ARHGAP20: variants seen among roughly 807,000 people sequenced by gnomAD.
ARHGAP20 encodes the protein Rho GTPase activating protein 20.
ARHGAP20 carries 34 observed loss-of-function variants against 73.7 expected under a neutral mutation model. The observed-to-expected ratio is 0.46, with a 90% CI of 0.35 to 0.61. The LOEUF is 0.61. ARHGAP20 is among the 20% of genes least tolerant of loss of function. The probability of loss-of-function intolerance (pLI) is 0.00; values close to 1 mark genes in which losing one functional copy is unlikely to be tolerated. For synonymous variants in ARHGAP20, 523 were observed against 518.2 expected (o/e 1.01, Z -0.13); for missense variants, 1,314 against 1,420.9 (o/e 0.92, Z 1.21).
chr11:110,594,582 T>A (rs1472048019), intron 9 of ARHGAP20, among the ~76,000 whole-genome samples: 5 of 152,128 alleles, frequency 3.3e-5, no homozygotes, highest in Non-Finnish European at 7.3e-5. Context: ...TCCACTTAAG[T>A]AAAGCAGTTT....
At chr11:110,626,028 T>C (rs772614247) in intron 3 of ARHGAP20, among the ~76,000 whole-genome samples, 75 of 152,334 alleles carry the variant, frequency 4.9e-4, no homozygotes, top group Non-Finnish European at 9.7e-4. Context: ...TTAAGTGTAA[T>C]AGAAAGTGCC....
At chr11:110,669,546 T>G (rs1010309058) in intron 2 of ARHGAP20, among the ~76,000 whole-genome samples, 1 of 151,492 alleles carries the variant, frequency 6.6e-6, no homozygotes, top group Non-Finnish European at 1.5e-5. Context: ...GGATATCAAC[T>G]AAGCTCATGA....
At chr11:110,617,834 A>G (rs1219039862) in intron 4 of ARHGAP20, among the ~76,000 whole-genome samples, 1 of 152,194 alleles carries the variant, frequency 6.6e-6, no homozygotes, top group Admixed American at 6.5e-5. Flanking sequence ...CATTAAAAAG[A>G]CAGTAAGATC....
intron 2 of ARHGAP20, among the ~76,000 whole-genome samples, chr11:110,663,363 A>G (rs1021896662): frequency 6.7e-6 from 1 of 149,852 alleles, no homozygotes; most frequent in Non-Finnish European, 1.5e-5. Context: ...TATACAATAT[A>G]CTATATAAGA....
intron 2 of ARHGAP20, among the ~76,000 whole-genome samples, chr11:110,644,123 A>T (rs1419081793): frequency 1.3e-5 from 2 of 152,026 alleles, no homozygotes; most frequent in Non-Finnish European, 2.9e-5. Flanking sequence ...GAACTCTACA[A>T]GGAGAACTAC....
chr11:110,655,581 A>C (rs528518455), intron 2 of ARHGAP20, among the ~76,000 whole-genome samples: 6 of 152,124 alleles, frequency 3.9e-5, no homozygotes, highest in Admixed American at 1.3e-4. Context: ...ATGATTATGA[A>C]TATCTATCTT....
chr11:110,641,128 C>A (rs576920257), intron 2 of ARHGAP20, among the ~76,000 whole-genome samples: 3 of 151,990 alleles, frequency 2.0e-5, no homozygotes, highest in Admixed American at 6.6e-5. Context: ...CTGATGGGAG[C>A]ATATGCGATA....
intron 9 of ARHGAP20, among the ~76,000 whole-genome samples, chr11:110,595,690 A>G (rs1208659063): frequency 6.6e-6 from 1 of 152,258 alleles, no homozygotes; most frequent in Non-Finnish European, 1.5e-5. Context: ...GGTAAGAAGA[A>G]TCAATATCGT....
chr11:110,672,872 T>G (rs745353089), intron 2 of ARHGAP20, among the ~76,000 whole-genome samples: 57 of 152,338 alleles, frequency 3.7e-4, no homozygotes, highest in Non-Finnish European at 6.0e-4. Context: ...AATTCAACTC[T>G]TAAGATATTT....
At chr11:110,675,917 C>T (rs2135080347) in intron 2 of ARHGAP20, among the ~76,000 whole-genome samples, 1 of 152,144 alleles carries the variant, frequency 6.6e-6, no homozygotes. Context: ...TTTTTTCCTC[C>T]ACCAGGTTAT....
chr11:110,699,171 T>G (rs918148001), intron 1 of ARHGAP20, among the ~76,000 whole-genome samples: 1 of 151,956 alleles, frequency 6.6e-6, no homozygotes, highest in Non-Finnish European at 1.5e-5. Context: ...TACCCAAAGG[T>G]CACTCAGGAG....
intron 2 of ARHGAP20, among the ~76,000 whole-genome samples, chr11:110,650,741 A>G (rs111343325): frequency 2.5e-4 from 38 of 152,264 alleles, no homozygotes; most frequent in African/African-American, 8.7e-4. Context: ...AAAGCATTCT[A>G]AAAAGTGAGA....
In ARHGAP20 at chr11:110,577,505, A is replaced by ACACTC; in HGVS notation, c.*1860_*1864dup. 1 of 1,007,966 alleles carries ACACTC rather than the reference A, an allele frequency of 9.9e-7. No homozygotes were observed. The highest frequency in any genetic ancestry group is 1.7e-5 in the African/African-American group (1 of 58,076). 62.4% of individuals were successfully genotyped at this position (1,007,966 alleles called of 1,614,324 possible). A position where few individuals can be genotyped will look rare whatever the true frequency, so the allele number is the denominator to read the frequency against. The stretch of plus-strand genomic sequence containing the variant: ...AAAAAAGGCAATTTCTTCCAGAAAG[A>ACACTC]CACTCCAAGCCGTTAAGAGCTTCAT... On this transcript the variant is annotated 3_prime_UTR_variant, in exon 15 of 15. Transcript: ENST00000683387.
chr11:110,611,259 A>T, intron 7 of ARHGAP20, 50 bp downstream of exon 7: 1 of 1,235,608 alleles, frequency 8.1e-7, no homozygotes, highest in Non-Finnish European at 1.1e-6. Context: ...ACATAAATTT[A>T]AATAATCAAA....
At chr11:110,626,781 T>C (rs969117132) in intron 3 of ARHGAP20, among the ~76,000 whole-genome samples, 2 of 152,084 alleles carry the variant, frequency 1.3e-5, no homozygotes, top group Admixed American at 1.3e-4. Flanking sequence ...CTGATGTGGC[T>C]ATTATGGAGG....
intron 10 of ARHGAP20, among the ~76,000 whole-genome samples, chr11:110,591,730 G>C (rs1319661354): frequency 6.6e-6 from 1 of 152,192 alleles, no homozygotes; most frequent in Non-Finnish European, 1.5e-5. Flanking sequence ...TCTGTCTGCA[G>C]GGCAAATTCT....
At position 110,712,110 on chromosome 11, in the gene ARHGAP20, C is replaced by G. The variant is rs371002402; in HGVS notation, c.105+17G>C. ...CTGCGGCGGCGGAGGGCACGGGCCCCCGCTCAGCGTCCTCACCTTCTTGGT... is the reference window on the plus strand; with the variant it reads ...CTGCGGCGGCGGAGGGCACGGGCCCGCGCTCAGCGTCCTCACCTTCTTGGT... On this transcript the variant is annotated intron_variant, in intron 1 of 14. Transcript: ENST00000683387. 3 of 1,310,882 alleles carry G rather than the reference C, an allele frequency of 2.3e-6. No individual in the cohort carries two copies. In the East Asian group the frequency reaches 9.2e-5, roughly 40 times the overall value. 81.2% of individuals were successfully genotyped at this position (1,310,882 alleles called of 1,614,324 possible).
intron 2 of ARHGAP20, 72 bp downstream of exon 2, chr11:110,690,475 T>C (rs1191540580): frequency 1.4e-6 from 2 of 1,387,750 alleles, no homozygotes; most frequent in Non-Finnish European, 2.0e-6. Context: ...GAATATGTGA[T>C]CTGAAAAACT....
At chr11:110,676,562 A>G (rs998361861) in intron 2 of ARHGAP20, among the ~76,000 whole-genome samples, 7 of 152,182 alleles carry the variant, frequency 4.6e-5, no homozygotes, top group Admixed American at 3.9e-4. Flanking sequence ...ACCTCTCACC[A>G]GTTCCCTCCC....
Sources: allele counts gnomAD v4.1 joint callset (sites outside exome capture counted in the v4.1 genomes callset), GRCh38; gene constraint gnomAD v4.1.1; transcripts MANE v1.5; gene names NCBI Gene and HGNC (gene_info 2026-07-23, HGNC 2026-07-21).